DLGAP1: variants seen among roughly 807,000 people sequenced by gnomAD.
The protein encoded by DLGAP1 is disks large-associated protein 1.
In DLGAP1, 11 loss-of-function variants were observed where a neutral mutation model predicts 90.8. That is an observed-to-expected ratio of 0.12 (90% confidence interval 0.08 to 0.20). The LOEUF (loss-of-function observed/expected upper bound fraction) is 0.20. Among genes scored for constraint, DLGAP1 ranks in the 10% least tolerant of loss-of-function variants. The pLI, the probability that DLGAP1 is intolerant of heterozygous loss-of-function variation, is 1.00. For synonymous variants in DLGAP1, 558 were observed against 540.7 expected (o/e 1.03, Z -0.44); for missense variants, 1,050 against 1,333.8 (o/e 0.79, Z 3.31).
rs145535752 is a variant in DLGAP1 at position 4,027,577 on chromosome 18, A to G, written c.-158-22376T>C. ...CTAGTGAAATTAAATGAGACGGCAC[A>G]CTTACCTAGTGAGCCCAGAGTCTGG... On this transcript the variant is annotated intron_variant, in intron 2 of 12. Transcript: ENST00000315677. Among the ~76,000 whole-genome samples, 453 of 150,434 alleles carry G rather than the reference A, an allele frequency of 3.0e-3. 1 individual carries two copies. Among genetic ancestry groups the G allele is most frequent in the African/African-American group, 0.01 (428 of 41,020 alleles).
At chr18:4,110,493 A>T (rs999068241) in intron 2 of DLGAP1, among the ~76,000 whole-genome samples, 1 of 152,200 alleles carries the variant, frequency 6.6e-6, no homozygotes, top group African/African-American at 2.4e-5. Flanking sequence ...TAATTAGGAA[A>T]ACAAATCATC....
chr18:3,723,564 G>A (rs183240366), intron 7 of DLGAP1, among the ~76,000 whole-genome samples: 2 of 151,444 alleles, frequency 1.3e-5, no homozygotes, highest in Middle Eastern at 6.8e-3. Flanking sequence ...GGGTTTGTGT[G>A]GGGGGGGAGT....
intron 5 of DLGAP1, 109 bp downstream of exon 5, chr18:3,813,950 C>T (rs2148430676): frequency 9.4e-7 from 1 of 1,063,646 alleles, no homozygotes; most frequent in East Asian, 2.4e-5. Context: ...CTGCACTGCT[C>T]CACCTGTAGG....
Position 3,832,140 on chromosome 18 carries a change from T to C in DLGAP1, c.958-17867A>G, listed in dbSNP as rs894118595. 2.0e-5 allele frequency among the ~76,000 whole-genome samples: 3 copies of C among 152,332 alleles called. No homozygotes were observed. The East Asian group carries it at 5.8e-4, about 29-fold the overall frequency. Reference sequence around the variant, plus strand: ...TATAGAAATAACCAGAACCCATGCATGCACACTCCATTATTCCTTCTGTCT... The same window carrying C: ...TATAGAAATAACCAGAACCCATGCACGCACACTCCATTATTCCTTCTGTCT... On this transcript the variant is annotated intron_variant, in intron 4 of 12. Coordinates refer to ENST00000315677, the MANE Select transcript of DLGAP1 (RefSeq NM_004746.4).
intron 1 of DLGAP1, among the ~76,000 whole-genome samples, chr18:4,442,314 C>T (rs1157744972): frequency 6.6e-6 from 1 of 152,126 alleles, no homozygotes; most frequent in Non-Finnish European, 1.5e-5. Context: ...TCACTTTCTA[C>T]ATAGGATGAG....
intron 2 of DLGAP1, among the ~76,000 whole-genome samples, chr18:4,012,379 A>T (rs1454926198): frequency 6.6e-6 from 1 of 151,802 alleles, no homozygotes; most frequent in Non-Finnish European, 1.5e-5. Context: ...CCCCTCTGCC[A>T]CTTCCACACA....
intron 1 of DLGAP1, among the ~76,000 whole-genome samples, chr18:4,426,629 C>T (rs2083163033): frequency 6.6e-6 from 1 of 152,146 alleles, no homozygotes; most frequent in South Asian, 2.1e-4. Flanking sequence ...GCCTCAGTTT[C>T]CATAAAATGT....
At chr18:3,652,186 G>GA (rs2059336749) in intron 7 of DLGAP1, among the ~76,000 whole-genome samples, 2 of 142,432 alleles carry the variant, frequency 1.4e-5, no homozygotes, top group African/African-American at 5.4e-5. Context: ...AAAAAGAAAA[G>GA]AAAGAAAGAC....
At chr18:4,111,497 A>G (rs2075971559) in intron 2 of DLGAP1, among the ~76,000 whole-genome samples, 1 of 152,158 alleles carries the variant, frequency 6.6e-6, no homozygotes, top group Non-Finnish European at 1.5e-5. Context: ...AAGGATTGGT[A>G]TTCATTCTTC....
intron 2 of DLGAP1, among the ~76,000 whole-genome samples, chr18:4,051,546 C>T (rs534501751): frequency 1.3e-5 from 2 of 152,234 alleles, no homozygotes; most frequent in African/African-American, 2.4e-5. Context: ...TTACTTCCCA[C>T]TGGGTCCCTC....
intron 1 of DLGAP1, among the ~76,000 whole-genome samples, chr18:4,250,230 T>G (rs2078752919): frequency 6.6e-6 from 1 of 152,190 alleles, no homozygotes; most frequent in African/African-American, 2.4e-5. Context: ...ATCTCTCAGG[T>G]GAAACAGAAG....
intron 1 of DLGAP1, among the ~76,000 whole-genome samples, chr18:4,195,145 T>C (rs1231615868): frequency 6.6e-6 from 1 of 152,206 alleles, no homozygotes; most frequent in Non-Finnish European, 1.5e-5. Flanking sequence ...ATTTGGAGTG[T>C]AGTTTAGAAT....
intron 4 of DLGAP1, among the ~76,000 whole-genome samples, chr18:3,836,639 C>T (rs2068400539): frequency 6.6e-6 from 1 of 152,182 alleles, no homozygotes; most frequent in Non-Finnish European, 1.5e-5. Flanking sequence ...CCTGCTCCTG[C>T]TCTGAGGTAG....
At chr18:4,446,494 C>A (rs192540474) in intron 1 of DLGAP1, among the ~76,000 whole-genome samples, 1 of 152,204 alleles carries the variant, frequency 6.6e-6, no homozygotes, top group East Asian at 1.9e-4. Flanking sequence ...ACCTTGCTCT[C>A]TAACGTAATG....
intron 2 of DLGAP1, among the ~76,000 whole-genome samples, chr18:4,053,522 CTA>C (rs1447560626): frequency 6.6e-6 from 1 of 152,180 alleles, no homozygotes; most frequent in African/African-American, 2.4e-5. Context: ...AAGAGTATCA[CTA>C]TATGAAACTC....
intron 3 of DLGAP1, among the ~76,000 whole-genome samples, chr18:3,950,397 G>C (rs1761917593): frequency 6.6e-6 from 1 of 152,192 alleles, no homozygotes; most frequent in African/African-American, 2.4e-5. Flanking sequence ...GAACAACAGA[G>C]TGTGCCAGTA....
chr18:4,174,700 A>G (rs1226846570), intron 1 of DLGAP1, among the ~76,000 whole-genome samples: 1 of 152,094 alleles, frequency 6.6e-6, no homozygotes, highest in Non-Finnish European at 1.5e-5. Context: ...GGTTTGTTAC[A>G]TAGGTATACA....
intron 2 of DLGAP1, among the ~76,000 whole-genome samples, chr18:4,020,620 T>C (rs1332345660): frequency 1.3e-5 from 2 of 152,214 alleles, no homozygotes; most frequent in African/African-American, 4.8e-5. Context: ...ACCAACTCCA[T>C]CTTGCTTCTA....
At chr18:3,600,269 G>A (rs560443496) in intron 7 of DLGAP1, among the ~76,000 whole-genome samples, 24 of 151,678 alleles carry the variant, frequency 1.6e-4, no homozygotes, top group Admixed American at 1.4e-3. Flanking sequence ...GTTTTTTTAT[G>A]AGACGGAGTT....
Sources: gnomAD v4.1 joint callset for allele counts (sites outside exome capture counted in the v4.1 genomes callset) on GRCh38, gnomAD v4.1.1 for gene constraint, MANE v1.5 for transcripts, NCBI Gene and HGNC (gene_info 2026-07-23, HGNC 2026-07-21) for gene names.